The following PLA2G4E variants were observed in gnomAD, a reference collection of about 807,000 sequenced individuals.
PLA2G4E encodes the protein phospholipase A2 group IVE.
In PLA2G4E, 84 loss-of-function variants were observed where a neutral mutation model predicts 109.1. The observed-to-expected ratio is 0.77, with a 90% confidence interval of 0.65 to 0.92. The LOEUF (loss-of-function observed/expected upper bound fraction) is 0.92. Among genes scored for constraint, PLA2G4E ranks in the 40% least tolerant of loss-of-function variants. The pLI is 0.00. For synonymous variants in PLA2G4E, 469 were observed against 436.1 expected (o/e 1.08, Z -0.94); for missense variants, 1,057 against 1,076.6 (o/e 0.98, Z 0.25).
At chr15:42,003,023 T>A (rs1223319901) in intron 5 of PLA2G4E, among the ~76,000 whole-genome samples, 1 of 152,246 alleles carries the variant, frequency 6.6e-6, no homozygotes, top group Non-Finnish European at 1.5e-5. Flanking sequence ...AAGAAATGGC[T>A]GCAACCTGCC....
chr15:42,033,621 G>GCAGTCCTGGTTTCTGT, intron 1 of PLA2G4E, among the ~76,000 whole-genome samples: 1 of 152,142 alleles, frequency 6.6e-6, no homozygotes, highest in East Asian at 1.9e-4. Context: ...GGGTGACTCT[G>GCAGTCCTGGTTTCTGT]CAGTCCTGGT....
At chr15:42,013,931 GC>G (rs919066312) in intron 1 of PLA2G4E, among the ~76,000 whole-genome samples, 174 bp from the exon 2 acceptor site, 4 of 99,664 alleles carry the variant, frequency 4.0e-5, no homozygotes, top group African/African-American at 8.0e-5. Flanking sequence ...CACTCTTGTT[GC>G]CCAGGCTAGA....
chr15:42,001,112 G>T (rs1335328242), intron 7 of PLA2G4E, 45 bp downstream of exon 7: 5 of 1,554,068 alleles, frequency 3.2e-6, no homozygotes, highest in Admixed American at 1.7e-5. Context: ...TTTGGAAGCA[G>T]CTCCCCCTTG....
chr15:42,027,109 G>A (rs1000995732), intron 1 of PLA2G4E, among the ~76,000 whole-genome samples: 7 of 152,308 alleles, frequency 4.6e-5, no homozygotes, highest in Middle Eastern at 3.4e-3. Context: ...TGTGCAACCT[G>A]CTGCAGTCAT....
At position 42,020,305 on chromosome 15, in the gene PLA2G4E, G is replaced by A. The variant is rs959320282; in HGVS notation, c.184-6548C>T. Among the ~76,000 whole-genome samples the A allele has an allele frequency of 8.5e-5, 13 of 152,342 alleles. No homozygotes were observed. In the South Asian group the frequency reaches 1.2e-3, roughly 15 times the overall value. On this transcript the variant is annotated intron_variant, in intron 1 of 19. Transcript: ENST00000399518. ...ACCAACTAATGATTCTTCCCAAGGTGAGCCTACAGCAGATTGAAGCATTGA... is the reference window on the plus strand; with the variant it reads ...ACCAACTAATGATTCTTCCCAAGGTAAGCCTACAGCAGATTGAAGCATTGA...
At chr15:42,014,277 C>A (rs1183658117) in intron 1 of PLA2G4E, among the ~76,000 whole-genome samples, 1 of 152,142 alleles carries the variant, frequency 6.6e-6, no homozygotes, top group Non-Finnish European at 1.5e-5. Flanking sequence ...AGCCTGGGAC[C>A]CTGACTGGTT....
chr15:41,984,843 G>C (rs1401430506), intron 18 of PLA2G4E, among the ~76,000 whole-genome samples: 1 of 152,206 alleles, frequency 6.6e-6, no homozygotes, highest in African/African-American at 2.4e-5. Context: ...AAGTAAAATG[G>C]ACAAAAGCCC....
chr15:42,007,550 A>G (rs1291760721), intron 3 of PLA2G4E, among the ~76,000 whole-genome samples, 179 bp downstream of exon 3: 2 of 152,200 alleles, frequency 1.3e-5, no homozygotes, highest in Non-Finnish European at 2.9e-5. Context: ...GAGAGGGGCA[A>G]ACATGAGACA....
At chr15:42,039,371 T>C (rs989131508) in intron 1 of PLA2G4E, among the ~76,000 whole-genome samples, 3 of 152,242 alleles carry the variant, frequency 2.0e-5, no homozygotes, top group African/African-American at 7.2e-5. Flanking sequence ...GACTGAATTC[T>C]ATGCAGTCTT....
At chr15:42,011,127 C>T (rs935618031) in intron 2 of PLA2G4E, among the ~76,000 whole-genome samples, 7 of 152,056 alleles carry the variant, frequency 4.6e-5, no homozygotes, top group Admixed American at 1.3e-4. Context: ...CCTTGTTCTT[C>T]GGGGAAATGA....
intron 6 of PLA2G4E, among the ~76,000 whole-genome samples, chr15:42,001,485 C>T (rs185451587): frequency 6.6e-6 from 1 of 152,320 alleles, no homozygotes; most frequent in Admixed American, 6.5e-5. Context: ...AGGTCCTCAG[C>T]TGCAGGTCGG....
intron 6 of PLA2G4E, among the ~76,000 whole-genome samples, chr15:42,002,268 A>AC (rs1456329105): frequency 7.0e-6 from 1 of 142,038 alleles, no homozygotes; most frequent in East Asian, 2.0e-4. Context: ...TTGTCTCAAA[A>AC]AAAAAAAAAA....
intron 11 of PLA2G4E, among the ~76,000 whole-genome samples, chr15:41,995,835 G>A (rs867954878): frequency 6.6e-6 from 1 of 152,210 alleles, no homozygotes; most frequent in South Asian, 2.1e-4. Context: ...AGGGTGGTGG[G>A]CAGCTTGTTC....
exon 19 of PLA2G4E, chr15:41,984,501 G>A (rs770263413): frequency 1.2e-6 from 2 of 1,613,976 alleles, no homozygotes; most frequent in East Asian, 2.2e-5. Context: ...GGGGGCATCG[G>A]GTTCCTGGGG....
At chr15:42,019,355 G>A (rs1230033538) in intron 1 of PLA2G4E, among the ~76,000 whole-genome samples, 1 of 152,242 alleles carries the variant, frequency 6.6e-6, no homozygotes, top group East Asian at 1.9e-4. Context: ...AGGCTCCTGG[G>A]TGGGAGTGGG....
chr15:41,996,084 C>CA (rs1448526398), intron 11 of PLA2G4E, among the ~76,000 whole-genome samples: 1 of 152,080 alleles, frequency 6.6e-6, no homozygotes, highest in Non-Finnish European at 1.5e-5. Context: ...CAATGGCTCA[C>CA]ACTTGTAATC....
At chr15:42,025,482 A>G (rs2068685988) in intron 1 of PLA2G4E, among the ~76,000 whole-genome samples, 1 of 152,034 alleles carries the variant, frequency 6.6e-6, no homozygotes, top group African/African-American at 2.4e-5. Flanking sequence ...AGCTGCAGGC[A>G]TACCTCCCCC....
intron 6 of PLA2G4E, 71 bp from the exon 7 acceptor site, chr15:42,001,291 G>A (rs2068417198): frequency 1.1e-5 from 15 of 1,386,130 alleles, no homozygotes; most frequent in Non-Finnish European, 1.5e-5. Flanking sequence ...AGGCTGAAGG[G>A]AGATGAGGGA....
chr15:41,993,762 A>G (rs1286896940), intron 12 of PLA2G4E, among the ~76,000 whole-genome samples: 1 of 152,116 alleles, frequency 6.6e-6, no homozygotes, highest in African/African-American at 2.4e-5. Flanking sequence ...CCTCCCTCAC[A>G]GGACTTGCTT....
Sources: allele counts gnomAD v4.1 joint callset (sites outside exome capture counted in the v4.1 genomes callset), GRCh38; gene constraint gnomAD v4.1.1; transcripts MANE v1.5; gene names NCBI Gene and HGNC (gene_info 2026-07-23, HGNC 2026-07-21).